MEF2C: variants seen among roughly 807,000 people sequenced by gnomAD.
The protein encoded by MEF2C is myocyte-specific enhancer factor 2C.
Under a neutral mutation model 50.5 loss-of-function variants are expected in MEF2C, and 6 were observed. The observed-to-expected ratio is 0.12, with a 90% CI of 0.07 to 0.23. The LOEUF is 0.23. Ranked by LOEUF, MEF2C falls within the 10% of genes least tolerant of loss-of-function variation. The probability of loss-of-function intolerance (pLI) is 1.00; values close to 1 mark genes in which losing one functional copy is unlikely to be tolerated. For missense variants in MEF2C, 276 were observed against 605.0 expected (o/e 0.46, Z 5.70); for synonymous variants, 183 against 228.0 (o/e 0.80, Z 1.78).
At chr5:88,743,938 T>C in intron 6 of MEF2C, 1 of 917,750 alleles carries the variant, frequency 1.1e-6, no homozygotes, top group Non-Finnish European at 1.3e-6. Context: ...TATACATAAA[T>C]CTCCTTTGCC....
chr5:88,883,227 GCGC>G (rs1833504902), upstream of MEF2C: 1 of 148,348 alleles, frequency 6.7e-6, no homozygotes, highest in East Asian at 2.0e-4. Flanking sequence ...GTGCGTGTGT[GCGC>G]GCGCGCGAGG....
At chr5:88,858,761 T>C (rs1824409700) in intron 1 of MEF2C, among the ~76,000 whole-genome samples, 1 of 152,224 alleles carries the variant, frequency 6.6e-6, no homozygotes. Context: ...GTGATGCTTA[T>C]TATACATCTG....
chr5:88,733,775 T>A (rs1762665298), intron 6 of MEF2C: 1 of 985,202 alleles, frequency 1.0e-6, no homozygotes, highest in Admixed American at 6.2e-5. Context: ...TCCCAGTTCC[T>A]GGGGCAAAAA....
In MEF2C at chr5:88,800,223, C is replaced by T. The variant is rs1022509615; in HGVS notation, c.258+4375G>A. Among the ~76,000 whole-genome samples the T allele has an allele frequency of 2.6e-5, 4 of 152,116 alleles. No individual in the cohort carries two copies. The South Asian group carries it at 8.3e-4, about 32-fold the overall frequency. ...AAAACGTGCTGGATATGGAGGTAAC[C>T]TGTCTGGGAGTCCTGTCACTCCAAG... On this transcript the variant is annotated intron_variant, in intron 3 of 10. Transcript: ENST00000504921.
At chr5:88,857,658 T>G (rs769646271) in intron 1 of MEF2C, among the ~76,000 whole-genome samples, 1 of 152,176 alleles carries the variant, frequency 6.6e-6, no homozygotes, top group Non-Finnish European at 1.5e-5. Flanking sequence ...GATAGTGAGT[T>G]CTCATGAGAT....
chr5:88,855,691 G>A (rs1823062316), intron 1 of MEF2C, among the ~76,000 whole-genome samples: 1 of 152,158 alleles, frequency 6.6e-6, no homozygotes, highest in Non-Finnish European at 1.5e-5. Context: ...TTTATAAGTG[G>A]CTTCCCCATT....
rs3729669 is a variant in MEF2C, at chr5:88,728,348, A to G, written c.1100+145T>C. The G allele has an allele frequency of 1.1e-3, 654 of 616,564 alleles. 5 individuals carry two copies. In the African/African-American group the frequency reaches 0.012, roughly 11 times the overall value. The allele number at this position is 616,564 out of a possible 1,614,324, so 38.2% of individuals were successfully genotyped here. A position where few individuals can be genotyped will look rare whatever the true frequency, so the allele number is the denominator to read the frequency against. ...TATATAAGATTTAAGCTACTTGAAA[A>G]GTATTGATCTGAAAATTACACTTGG... On this transcript the variant is annotated intron_variant, in intron 10 of 10. Transcript: ENST00000504921.
At chr5:88,866,713 G>A (rs959550343) in intron 1 of MEF2C, among the ~76,000 whole-genome samples, 9 of 152,148 alleles carry the variant, frequency 5.9e-5, no homozygotes, top group African/African-American at 2.2e-4. Flanking sequence ...CTCATCAGTA[G>A]TTATTTCACA....
chr5:88,728,469 AT>A, intron 10 of MEF2C, 23 bp downstream of exon 10: 1 of 1,399,348 alleles, frequency 7.1e-7, no homozygotes, highest in Non-Finnish European at 9.4e-7. Flanking sequence ...CTAAAATTAT[AT>A]TATAAAAAAT....
At chr5:88,765,502 T>A (rs925294798) in intron 3 of MEF2C, among the ~76,000 whole-genome samples, 4 of 152,230 alleles carry the variant, frequency 2.6e-5, no homozygotes, top group Non-Finnish European at 5.9e-5. Flanking sequence ...AGAATTTCTG[T>A]TAGATTCAGC....
At chr5:88,891,906 A>G (rs544258401) in intron 1 of MEF2C, among the ~76,000 whole-genome samples, 28 of 152,226 alleles carry the variant, frequency 1.8e-4, no homozygotes, top group Non-Finnish European at 2.8e-4. Flanking sequence ...AACTGTTGGT[A>G]TTAATTCTGC....
intron 1 of MEF2C, among the ~76,000 whole-genome samples, chr5:88,876,641 A>C (rs974206867): frequency 6.6e-6 from 1 of 152,020 alleles, no homozygotes; most frequent in Non-Finnish European, 1.5e-5. Flanking sequence ...TATTTAAGCC[A>C]AAGCTGCCTG....
chr5:88,897,909 C>T (rs1835277564), intron 1 of MEF2C, among the ~76,000 whole-genome samples: 1 of 152,110 alleles, frequency 6.6e-6, no homozygotes, highest in Admixed American at 6.6e-5. Flanking sequence ...CAGAATCACC[C>T]AGGTGCATGT....
At chr5:88,747,780 C>T (rs1248088523) in intron 6 of MEF2C, among the ~76,000 whole-genome samples, 1 of 152,076 alleles carries the variant, frequency 6.6e-6, no homozygotes, top group Non-Finnish European at 1.5e-5. Flanking sequence ...ATATCTTGGT[C>T]TTTGTGACCA....
intron 6 of MEF2C, among the ~76,000 whole-genome samples, chr5:88,732,108 G>GCT (rs1761933638): frequency 6.6e-6 from 1 of 152,130 alleles, no homozygotes; most frequent in Non-Finnish European, 1.5e-5. Context: ...CTTTTTATGA[G>GCT]AAGAGAGCCA....
intron 4 of MEF2C, among the ~76,000 whole-genome samples, chr5:88,752,980 T>C (rs900901527): frequency 1.3e-5 from 2 of 152,220 alleles, no homozygotes; most frequent in South Asian, 2.1e-4. Flanking sequence ...AAAATGGACA[T>C]ATATATGGAA....
intron 2 of MEF2C, among the ~76,000 whole-genome samples, chr5:88,811,038 A>G (rs1330382177): frequency 6.6e-6 from 1 of 152,146 alleles, no homozygotes; most frequent in Non-Finnish European, 1.5e-5. Context: ...TTAGCGTTCT[A>G]TAGTGGTAAT....
intron 3 of MEF2C, among the ~76,000 whole-genome samples, chr5:88,763,638 T>A (rs994802610): frequency 5.9e-5 from 9 of 151,956 alleles, no homozygotes; most frequent in African/African-American, 2.2e-4. Context: ...TAAGACATGT[T>A]AAAAATATTC....
At chr5:88,805,823 CTTT>C (rs869224140) in intron 2 of MEF2C, among the ~76,000 whole-genome samples, 205 of 61,558 alleles carry the variant, frequency 3.3e-3, no homozygotes, top group African/African-American at 0.012. Flanking sequence ...CGTGAACATT[CTTT>C]TTTTTTTTTT....
Sources: gnomAD v4.1 joint callset for allele counts (sites outside exome capture counted in the v4.1 genomes callset) on GRCh38, gnomAD v4.1.1 for gene constraint, MANE v1.5 for transcripts, NCBI Gene and HGNC (gene_info 2026-07-23, HGNC 2026-07-21) for gene names.